PDZD2: variants seen among roughly 807,000 people sequenced by gnomAD.
The protein encoded by PDZD2 is PDZ domain containing 2, also known as PDZ domain-containing protein 2.
Under a neutral mutation model 220.7 loss-of-function variants are expected in PDZD2, and 90 were observed. The observed-to-expected ratio is 0.41, with a 90% CI of 0.34 to 0.49. The LOEUF is 0.49. PDZD2 is among the 20% of genes least tolerant of loss of function. PDZD2 has a pLI of 0.28. For synonymous variants in PDZD2, 1,375 were observed against 1,450.5 expected, an observed-to-expected ratio of 0.95 and a Z score of 1.18; for missense variants, 3,174 against 3,608.5, an observed-to-expected ratio of 0.88 and a Z score of 3.08.
Position 32,109,511 on chromosome 5 carries a change from C to G in PDZD2, c.*1376C>G, listed in dbSNP as rs1044528189. ...CTGGCTTTTCTCTCCTCATGATGTA[C>G]CTTATTTTCTTAGGTAAATAATTCC... On this transcript the variant is annotated 3_prime_UTR_variant, in exon 25 of 25. Transcript: ENST00000438447. 1 of 152,068 alleles carries G rather than the reference C, an allele frequency of 6.6e-6. No individual in the cohort carries two copies. Among genetic ancestry groups the G allele is most frequent in the African/African-American group, 2.4e-5 (1 of 41,390 alleles). The allele number at this position is 152,068 out of a possible 1,614,324, so 9.4% of individuals were successfully genotyped here. A position where few individuals can be genotyped will look rare whatever the true frequency, so the allele number is the denominator to read the frequency against.
intron 5 of PDZD2, among the ~76,000 whole-genome samples, chr5:32,002,629 ACAC>A: frequency 2.3e-5 from 2 of 86,784 alleles, no homozygotes; most frequent in African/African-American, 9.3e-5. Context: ...ACACACCAAC[ACAC>A]CACCAACACA....
chr5:31,730,301 T>G (rs1169277592), intron 1 of PDZD2, among the ~76,000 whole-genome samples: 1 of 152,198 alleles, frequency 6.6e-6, no homozygotes, highest in Non-Finnish European at 1.5e-5. Context: ...CCTCTAATTT[T>G]AGAGCCCATG....
chr5:32,062,291 GCC>G (rs1350377663), intron 14 of PDZD2, among the ~76,000 whole-genome samples: 1 of 151,922 alleles, frequency 6.6e-6, no homozygotes, highest in African/African-American at 2.4e-5. Flanking sequence ...AAAAAATAAA[GCC>G]CAGCATTTCA....
At chr5:31,648,241 C>T (rs1461980599) in intron 1 of PDZD2, among the ~76,000 whole-genome samples, 1 of 152,160 alleles carries the variant, frequency 6.6e-6, no homozygotes, top group African/African-American at 2.4e-5. Flanking sequence ...GCCTTGATTT[C>T]TCTGCTGTGT....
At chr5:31,671,155 TGG>T (rs991817644) in intron 1 of PDZD2, among the ~76,000 whole-genome samples, 2 of 152,010 alleles carry the variant, frequency 1.3e-5, no homozygotes, top group Non-Finnish European at 2.9e-5. Context: ...CTCAGTCCTG[TGG>T]GCCAGGAGGA....
chr5:31,865,038 G>A (rs867981228), intron 2 of PDZD2, among the ~76,000 whole-genome samples: 1 of 151,284 alleles, frequency 6.6e-6, no homozygotes, highest in Non-Finnish European at 1.5e-5. Flanking sequence ...TAGTAGAGAC[G>A]GGGTTTCACC....
intron 2 of PDZD2, among the ~76,000 whole-genome samples, chr5:31,803,086 A>G (rs1489666620): frequency 5.1e-5 from 7 of 135,940 alleles, no homozygotes; most frequent in Admixed American, 1.5e-4. Flanking sequence ...CAGAGCCTTT[A>G]TTTTATTTTA....
chr5:32,000,335 C>A lies in PDZD2; in HGVS notation c.1254+64C>A. On this transcript the variant is annotated intron_variant, in intron 5 of 24. Coordinates refer to ENST00000438447, the MANE Select transcript of PDZD2 (RefSeq NM_178140.4). The surrounding 1 kb of genome is among the most constrained non-coding windows in gnomAD (Gnocchi z 4.5). ...AGTGGTGAGTTGGGGTTGAGCCCCA[C>A]CTCCCATGCCACACACACACACAAA... 3 of 1,489,690 alleles carry A rather than the reference C, an allele frequency of 2.0e-6. No homozygotes were observed. Among genetic ancestry groups the A allele is most frequent in the Non-Finnish European group, 2.8e-6 (3 of 1,068,586 alleles). 92.3% of individuals were successfully genotyped at this position (1,489,690 alleles called of 1,614,324 possible).
At chr5:32,012,302 C>A (rs1165694819) in intron 6 of PDZD2, among the ~76,000 whole-genome samples, 1 of 152,206 alleles carries the variant, frequency 6.6e-6, no homozygotes, top group African/African-American at 2.4e-5. Context: ...TCTGCACCCC[C>A]TCTGCTGAGC....
chr5:31,792,055 G>A (rs1416094068), intron 1 of PDZD2, among the ~76,000 whole-genome samples: 3 of 152,304 alleles, frequency 2.0e-5, no homozygotes. Flanking sequence ...GAACTATGTT[G>A]TATAGCTATC....
At chr5:31,710,360 TTAAA>T (rs1423797932) in intron 1 of PDZD2, among the ~76,000 whole-genome samples, 2 of 152,156 alleles carry the variant, frequency 1.3e-5, no homozygotes, top group East Asian at 1.9e-4. Context: ...GTTTGTGGTA[TTAAA>T]TAAAGTTTCA....
intron 1 of PDZD2, among the ~76,000 whole-genome samples, chr5:31,768,513 G>C (rs896003631): frequency 6.6e-6 from 1 of 152,006 alleles, no homozygotes; most frequent in Non-Finnish European, 1.5e-5. Context: ...ATGGTGGCAC[G>C]TACCTGTAGT....
chr5:32,063,276 C>G (rs1337478430), intron 14 of PDZD2, among the ~76,000 whole-genome samples: 1 of 152,104 alleles, frequency 6.6e-6, no homozygotes, highest in East Asian at 1.9e-4. Flanking sequence ...AACTCCTGAC[C>G]TCAAGTGATC....
At chr5:32,052,214 C>G (rs953363504) in intron 8 of PDZD2, among the ~76,000 whole-genome samples, 1 of 152,092 alleles carries the variant, frequency 6.6e-6, no homozygotes, top group African/African-American at 2.4e-5. Context: ...GGCACAATCT[C>G]TGCTCACTGC....
rs554596775 is a variant in PDZD2 at position 32,052,258 on chromosome 5, G to T, written c.1666-353G>T. Reference sequence around the variant, plus strand: ...CCTCCCAGGTTCAAGCGATTGTCCTGCCTCAGCCTCCTGAGTAGCTGGGAC... The same window carrying T: ...CCTCCCAGGTTCAAGCGATTGTCCTTCCTCAGCCTCCTGAGTAGCTGGGAC... On this transcript the variant is annotated intron_variant, in intron 8 of 24. Coordinates refer to ENST00000438447, the MANE Select transcript of PDZD2 (RefSeq NM_178140.4). Among the ~76,000 whole-genome samples the T allele has an allele frequency of 3.3e-5, 5 of 152,252 alleles. No individual in the cohort carries two copies. The East Asian group carries it at 9.7e-4, about 29-fold the overall frequency.
intron 2 of PDZD2, among the ~76,000 whole-genome samples, chr5:31,810,438 A>G (rs949596370): frequency 6.6e-6 from 1 of 151,910 alleles, no homozygotes; most frequent in African/African-American, 2.4e-5. Context: ...AAATTTTTGT[A>G]TATTTTTTAG....
chr5:31,808,454 G>A lies in PDZD2; in HGVS notation c.476+8730G>A, dbSNP rs537352182. Among the ~76,000 whole-genome samples the A allele has an allele frequency of 3.2e-4, 49 of 152,242 alleles. 2 individuals are homozygous for A. In the South Asian group the frequency reaches 8.9e-3, roughly 28 times the overall value. On this transcript the variant is annotated intron_variant, in intron 2 of 24. Coordinates refer to ENST00000438447, the MANE Select transcript of PDZD2 (RefSeq NM_178140.4). ...ATTACGGACTGTTTGTTCGTGACCC[G>A]CTTCATTCCTTTCAGACTGCTGTCT... is the stretch of plus-strand genomic sequence containing the variant.
intron 2 of PDZD2, among the ~76,000 whole-genome samples, chr5:31,880,854 T>C (rs192110965): frequency 7.5e-6 from 1 of 132,804 alleles, no homozygotes; most frequent in African/African-American, 2.9e-5. Context: ...CAGGCTGGAG[T>C]GCAATGGTGC....
At chr5:31,660,091 G>C (rs1231471745) in intron 1 of PDZD2, among the ~76,000 whole-genome samples, 1 of 152,124 alleles carries the variant, frequency 6.6e-6, no homozygotes, top group Non-Finnish European at 1.5e-5. Context: ...CACTGTTTTT[G>C]GTAAGCCACT....
Sources: gnomAD v4.1 joint callset for allele counts (sites outside exome capture counted in the v4.1 genomes callset) on GRCh38, gnomAD v4.1.1 for gene constraint, Gnocchi (gnomAD v3.1) non-coding constraint, MANE v1.5 for transcripts, NCBI Gene and HGNC (gene_info 2026-07-23, HGNC 2026-07-21) for gene names.